ZNF391: variants seen among roughly 807,000 people sequenced by gnomAD.
ZNF391 encodes zinc finger protein 391.
For synonymous variants in ZNF391, 126 were observed against 142.1 expected (o/e 0.89, Z 0.80); for missense variants, 375 against 425.5 (o/e 0.88, Z 1.04).
At chr6:27,387,612 C>T (rs1263564612), upstream of ZNF391, among the ~76,000 whole-genome samples, 1 of 152,078 alleles carries the variant, frequency 6.6e-6, no homozygotes, top group African/African-American at 2.4e-5. Flanking sequence ...AAACTTTATG[C>T]TAATTAAAAA....
At chr6:27,395,585 ATAT>A (rs1388632130) in intron 1 of ZNF391, among the ~76,000 whole-genome samples, 1 of 152,220 alleles carries the variant, frequency 6.6e-6, no homozygotes, top group African/African-American at 2.4e-5. Context: ...AATACATAGT[ATAT>A]ACACATTAGT....
At chr6:27,392,957 C>T (rs1329295571) in intron 1 of ZNF391, among the ~76,000 whole-genome samples, 3 of 139,786 alleles carry the variant, frequency 2.1e-5, no homozygotes, top group African/African-American at 5.3e-5. Flanking sequence ...TTAGAATAGG[C>T]AGGCCCAAAG....
chr6:27,389,592 A>C (rs1581529665), intron 1 of ZNF391: 1 of 378,490 alleles, frequency 2.6e-6, no homozygotes, highest in Non-Finnish European at 5.0e-6. Flanking sequence ...CGGGCGGATC[A>C]CCTGAGGTCG....
In ZNF391 at chr6:27,380,413, G is replaced by A. The variant is rs190236564; in HGVS notation, n.523+5276G>A. The stretch of plus-strand genomic sequence containing the variant: ...ACGTCTAGAGTTGTTCGTTTCTCCC[G>A]GTGGGTTCGTGGTCTCGCTGGCTTC... On this transcript the variant is annotated intron_variant and non_coding_transcript_variant, in intron 1 of 2. Coordinates refer to the ZNF391 transcript ENST00000477999. Among the ~76,000 whole-genome samples the A allele has an allele frequency of 9.2e-5, 14 of 151,756 alleles. No homozygotes were observed. The East Asian group carries it at 2.5e-3, about 27-fold the overall frequency.
chr6:27,381,465 G>A (rs1052168223), intron 1 of ZNF391, among the ~76,000 whole-genome samples: 7 of 152,376 alleles, frequency 4.6e-5, no homozygotes, highest in African/African-American at 1.4e-4. Flanking sequence ...CAAGCTGAGG[G>A]AGCCGGCTCC....
intron 1 of ZNF391, among the ~76,000 whole-genome samples, chr6:27,382,530 T>C (rs1761525643): frequency 6.6e-6 from 1 of 152,100 alleles, no homozygotes; most frequent in Non-Finnish European, 1.5e-5. Context: ...AGAACAAGCA[T>C]CGGAACCAGA....
At chr6:27,385,001 A>T (rs1347225949), upstream of ZNF391, among the ~76,000 whole-genome samples, 1 of 150,286 alleles carries the variant, frequency 6.7e-6, no homozygotes, top group Non-Finnish European at 1.5e-5. Context: ...GGGCAACAAG[A>T]GTGAGACTCC....
rs1269400360 is a variant in ZNF391, at chr6:27,389,043, G to A, written c.-220G>A. Reference sequence around the variant, plus strand: ...CGGGGGTACTCGGCCGGAGGCGGCCGGTGAGTGAGGCTTACAGGGCCCCGG... The same window carrying A: ...CGGGGGTACTCGGCCGGAGGCGGCCAGTGAGTGAGGCTTACAGGGCCCCGG... On this transcript the variant is annotated 5_prime_UTR_variant, in exon 1 of 3. Transcript: ENST00000244576. The A allele has an allele frequency of 2.2e-6, 1 of 455,930 alleles. No homozygotes were observed. The allele number at this position is 455,930 out of a possible 1,614,324, so 28.2% of individuals were successfully genotyped here. A position where few individuals can be genotyped will look rare whatever the true frequency, so the allele number is the denominator to read the frequency against.
At chr6:27,383,782 A>C (rs1761542922), upstream of ZNF391, among the ~76,000 whole-genome samples, 1 of 152,192 alleles carries the variant, frequency 6.6e-6, no homozygotes, top group African/African-American at 2.4e-5. Flanking sequence ...GGGAGACACA[A>C]ACATTTAGTC....
chr6:27,385,401 C>T (rs1761571623), upstream of ZNF391, among the ~76,000 whole-genome samples: 1 of 152,106 alleles, frequency 6.6e-6, no homozygotes, highest in Non-Finnish European at 1.5e-5. Context: ...ACAAGAAACT[C>T]ACTTTAAAGA....
chr6:27,380,001 C>T (rs1761473256), intron 1 of ZNF391, among the ~76,000 whole-genome samples: 1 of 152,226 alleles, frequency 6.6e-6, no homozygotes, highest in Non-Finnish European at 1.5e-5. Context: ...AGACTGAGAC[C>T]TACTCAGAGA....
intron 1 of ZNF391, among the ~76,000 whole-genome samples, 179 bp from the exon 2 acceptor site, chr6:27,399,263 G>A (rs1231450590): frequency 6.6e-6 from 1 of 152,096 alleles, no homozygotes; most frequent in Non-Finnish European, 1.5e-5. Context: ...TATGTAACCC[G>A]TCTTTTGGCA....
At chr6:27,378,809 G>C (rs558303062) in intron 1 of ZNF391, among the ~76,000 whole-genome samples, 1 of 152,198 alleles carries the variant, frequency 6.6e-6, no homozygotes, top group African/African-American at 2.4e-5. Flanking sequence ...GTGCATGGTG[G>C]CATGTGCCTA....
At chr6:27,392,114 G>A (rs187548006) in intron 1 of ZNF391, among the ~76,000 whole-genome samples, 1 of 152,222 alleles carries the variant, frequency 6.6e-6, no homozygotes, top group East Asian at 1.9e-4. Context: ...TTTTTCCCTG[G>A]TTTCTATATA....
intron 1 of ZNF391, among the ~76,000 whole-genome samples, chr6:27,381,519 G>A (rs1000335921): frequency 6.6e-6 from 1 of 152,250 alleles, no homozygotes; most frequent in Non-Finnish European, 1.5e-5. Flanking sequence ...TGCAGCGGCG[G>A]GCTGAAGGGC....
rs753625693 is a variant in ZNF391, at chr6:27,376,732, G to A, written n.523+1595G>A. ...AATTAGCTAGATGTAATGGCGAGCC[G>A]CTTGAAGCTACTCCGGCGGCTGAGG... On this transcript the variant is annotated intron_variant and non_coding_transcript_variant, in intron 1 of 2. Transcript: ENST00000477999. The surrounding 1 kb of genome is among the most constrained non-coding windows in gnomAD (Gnocchi z 4.7). Among the ~76,000 whole-genome samples, 3 of 152,012 alleles carry A rather than the reference G, an allele frequency of 2.0e-5. No individual in the cohort carries two copies. Among genetic ancestry groups the A allele is most frequent in the Non-Finnish European group, 2.9e-5 (2 of 67,996 alleles).
chr6:27,391,201 C>CTTTTTTTTTTTTTT (rs386406591), intron 1 of ZNF391: 3 of 97,278 alleles, frequency 3.1e-5, no homozygotes, highest in Non-Finnish European at 5.8e-5. Flanking sequence ...ATTCATTGTA[C>CTTTTTTTTTTTTTT]TTTTTTTTTT....
rs918294920 is a variant in ZNF391, at chr6:27,389,545, C to T, written c.-188+470C>T. 3.3e-5 allele frequency: 14 copies of T among 424,574 alleles called. No homozygotes were observed. In the Admixed American group the frequency reaches 4.3e-4, roughly 13 times the overall value. 26.3% of individuals were successfully genotyped at this position (424,574 alleles called of 1,614,324 possible). On this transcript the variant is annotated intron_variant, in intron 1 of 2. Transcript: ENST00000244576. ...GTACTTGCTTGGCCGGGCGCAGTGG[C>T]TCACGCCTGTAATCCCAGCACTTTG...
Position 27,401,710 on chromosome 6 carries a change from CAA to C in ZNF391, c.*265_*266del. On this transcript the variant is annotated 3_prime_UTR_variant, in exon 3 of 3. Coordinates refer to ENST00000244576, the MANE Select transcript of ZNF391 (RefSeq NM_001076781.3). The stretch of plus-strand genomic sequence containing the variant: ...TTTCTCAAATAAGTTCACAATAAAA[CAA>C]AGGGATGACTCAAAAAACATAACAT... The C allele has an allele frequency of 6.5e-6, 2 of 305,522 alleles. No individual in the cohort carries two copies. Among genetic ancestry groups the C allele is most frequent in the Non-Finnish European group, 1.2e-5 (2 of 165,902 alleles). The allele number at this position is 305,522 out of a possible 1,614,324, so 18.9% of individuals were successfully genotyped here.
Sources: gnomAD v4.1 joint callset for allele counts (sites outside exome capture counted in the v4.1 genomes callset) on GRCh38, gnomAD v4.1.1 for gene constraint, Gnocchi (gnomAD v3.1) non-coding constraint, MANE v1.5 for transcripts, NCBI Gene and HGNC (gene_info 2026-07-23, HGNC 2026-07-21) for gene names.